Variants in RIMS1 observed in about 807,000 individuals in gnomAD.
RIMS1 encodes regulating synaptic membrane exocytosis 1.
In RIMS1, 83 loss-of-function variants were observed where a neutral mutation model predicts 214.1. That is an observed-to-expected ratio of 0.39 (90% CI 0.32 to 0.47). The LOEUF is 0.47. Among genes scored for constraint, RIMS1 ranks in the 20% least tolerant of loss-of-function variants. The probability of loss-of-function intolerance (pLI) is 0.99; values close to 1 mark genes in which losing one functional copy is unlikely to be tolerated. For missense variants in RIMS1, 2,050 were observed against 2,161.8 expected (o/e 0.95, Z 1.03); for synonymous variants, 793 against 786.8 (o/e 1.01, Z -0.13).
intron 2 of RIMS1, among the ~76,000 whole-genome samples, chr6:72,087,876 CA>C (rs1835077304): frequency 6.6e-6 from 1 of 152,232 alleles, no homozygotes; most frequent in African/African-American, 2.4e-5. Flanking sequence ...TGGCACCCAT[CA>C]AATGGAAACT....
At chr6:72,294,373 A>T (rs2093815563) in intron 26 of RIMS1, among the ~76,000 whole-genome samples, 2 of 151,754 alleles carry the variant, frequency 1.3e-5, no homozygotes, top group South Asian at 4.1e-4. Flanking sequence ...TGCTGACCAC[A>T]GTCTATTACA....
intron 2 of RIMS1, among the ~76,000 whole-genome samples, chr6:72,061,199 A>G (rs1353742165): frequency 2.0e-5 from 3 of 152,126 alleles, no homozygotes; most frequent in Admixed American, 2.0e-4. Flanking sequence ...AATAATTCAG[A>G]AGGAATTATG....
intron 4 of RIMS1, among the ~76,000 whole-genome samples, chr6:72,150,063 A>C (rs1410427693): frequency 2.0e-5 from 3 of 152,132 alleles, no homozygotes; most frequent in Admixed American, 6.5e-5. Context: ...TCATGACAGA[A>C]CAGCTCTCAG....
Position 72,096,999 on chromosome 6 carries a change from G to T in RIMS1, c.296G>T (p.Gly99Val). 6.2e-7 allele frequency: 1 copy of T among 1,613,886 alleles called. No individual in the cohort carries two copies. Among genetic ancestry groups the T allele is most frequent in the Non-Finnish European group, 8.5e-7 (1 of 1,179,846 alleles). ...ESYKEQVRKI[G>V]EEARRYQGEH... ...TATAAGGAACAAGTGAGAAAAATAG[G>T]GGAAGAAGCGCGGCGTTACCAGGGC... The change falls in exon 3 of 34, where the codon GGG (glycine) becomes GTG (valine). Residue 99 changes from glycine (G) to valine (V), a missense_variant. Transcript: ENST00000521978.
intron 26 of RIMS1, among the ~76,000 whole-genome samples, chr6:72,293,584 T>C (rs1018803351): frequency 2.0e-5 from 3 of 151,944 alleles, no homozygotes; most frequent in Non-Finnish European, 4.4e-5. Context: ...CTAAAAGTCA[T>C]GTGCTCCTAA....
chr6:72,373,925 T>C (rs1425989574), intron 29 of RIMS1, among the ~76,000 whole-genome samples: 1 of 152,192 alleles, frequency 6.6e-6, no homozygotes, highest in Non-Finnish European at 1.5e-5. Context: ...TTTTTATTTT[T>C]ATTTTTTTGA....
At position 72,399,143 on chromosome 6, in the gene RIMS1, C is replaced by T. The variant is rs199525310; in HGVS notation, c.4860+49C>T. 6.5e-3 allele frequency: 9,480 copies of T among 1,465,778 alleles called. 34 individuals are homozygous for T. Among genetic ancestry groups the T allele is most frequent in the Admixed American group, 8.3e-3 (400 of 48,240 alleles). 90.8% of individuals were successfully genotyped at this position (1,465,778 alleles called of 1,614,324 possible). A position where few individuals can be genotyped will look rare whatever the true frequency, so the allele number is the denominator to read the frequency against. ...TTTACATTGAAATGTCTGTTTTACC[C>T]ATACATCGAAGAGATGGTCAAACAC... On this transcript the variant is annotated intron_variant, in intron 33 of 33. Transcript: ENST00000521978.
intron 6 of RIMS1, chr6:72,216,776 C>A: frequency 3.0e-6 from 3 of 988,510 alleles, no homozygotes; most frequent in Non-Finnish European, 3.6e-6. Flanking sequence ...GCTTTAAGGA[C>A]CACAACGTTT....
intron 16 of RIMS1, among the ~76,000 whole-genome samples, chr6:72,257,332 G>T (rs1055481523): frequency 6.6e-6 from 1 of 151,438 alleles, no homozygotes; most frequent in Admixed American, 6.6e-5. Context: ...TAACTAAATC[G>T]CAGACAATAT....
rs768170891 is a variant in RIMS1 at position 72,179,667 on chromosome 6, T to C, written c.564T>C (p.Ser188=). The C allele has an allele frequency of 6.2e-7, 1 of 1,613,846 alleles. No homozygotes were observed. Among genetic ancestry groups the C allele is most frequent in the South Asian group, 1.1e-5 (1 of 91,082 alleles). ...TTGGAAGTGGCCCTCAGCAGACAAG[T>C]CAGGATGGAACCCTGAGTGATACAG... ...WFFGSGPQQT[S]QDGTLSDTAT... is the part of the protein sequence containing the mutation. The change falls in exon 5 of 34, where the codon AGT becomes AGC. Residue 188 remains serine, a synonymous_variant. Transcript: ENST00000521978.
intron 2 of RIMS1, among the ~76,000 whole-genome samples, chr6:71,971,838 C>T (rs751797144): frequency 6.6e-6 from 1 of 152,102 alleles, no homozygotes; most frequent in Admixed American, 6.5e-5. Flanking sequence ...CCCACTGGGT[C>T]CCTCCGCCAA....
At chr6:72,056,787 A>G (rs569860858) in intron 2 of RIMS1, among the ~76,000 whole-genome samples, 58 of 152,358 alleles carry the variant, frequency 3.8e-4, no homozygotes, top group African/African-American at 1.4e-3. Flanking sequence ...TAAGTTAAAC[A>G]TAATAGAAAA....
chr6:72,045,011 A>AGTATATAGATAT (rs1233212147), intron 2 of RIMS1, among the ~76,000 whole-genome samples: 3 of 151,944 alleles, frequency 2.0e-5, no homozygotes, highest in Admixed American at 6.6e-5. Flanking sequence ...TACTACTAGT[A>AGTATATAGATAT]AGCAATAAAA....
chr6:71,969,231 AT>A (rs1795213960), intron 2 of RIMS1, among the ~76,000 whole-genome samples, 168 bp downstream of exon 2: 2 of 152,196 alleles, frequency 1.3e-5, no homozygotes, highest in Non-Finnish European at 2.9e-5. Flanking sequence ...TGGATTTAAT[AT>A]TTTTGTTAAG....
chr6:72,089,998 T>C (rs562715287), intron 2 of RIMS1, among the ~76,000 whole-genome samples: 26 of 122,388 alleles, frequency 2.1e-4, no homozygotes, highest in African/African-American at 7.7e-4. Context: ...GGAAGGAGAA[T>C]ATCACACTCT....
intron 2 of RIMS1, among the ~76,000 whole-genome samples, chr6:71,972,311 T>G (rs1047550792): frequency 6.6e-6 from 1 of 152,160 alleles, no homozygotes; most frequent in African/African-American, 2.4e-5. Flanking sequence ...GTGGAAATGC[T>G]GTACTTCTGT....
intron 6 of RIMS1, chr6:72,213,106 T>C (rs1344602708): frequency 1.3e-6 from 2 of 1,536,794 alleles, no homozygotes; most frequent in Non-Finnish European, 1.7e-6. Flanking sequence ...GCTGGATTTA[T>C]TTCCAAGTTT....
At chr6:72,054,596 T>C (rs1340779040) in intron 2 of RIMS1, among the ~76,000 whole-genome samples, 2 of 152,142 alleles carry the variant, frequency 1.3e-5, no homozygotes, top group Non-Finnish European at 2.9e-5. Flanking sequence ...CTATTGTTTC[T>C]TGACTTTTTA....
At chr6:72,226,062 G>A (rs919614862) in intron 6 of RIMS1, among the ~76,000 whole-genome samples, 5 of 152,026 alleles carry the variant, frequency 3.3e-5, no homozygotes, top group African/African-American at 1.2e-4. Context: ...AATACAGTAT[G>A]GTCTAGATTT....
Sources: allele counts gnomAD v4.1 joint callset (sites outside exome capture counted in the v4.1 genomes callset), GRCh38; gene constraint gnomAD v4.1.1; transcripts MANE v1.5; gene names NCBI Gene and HGNC (gene_info 2026-07-23, HGNC 2026-07-21).